The following CROCC2 variants were observed in gnomAD, a reference collection of about 807,000 sequenced individuals.
CROCC2 encodes the protein ciliary rootlet coiled-coil protein 2.
CROCC2 carries 163 observed loss-of-function variants against 177.6 expected under a neutral mutation model. The observed-to-expected ratio is 0.92, with a 90% CI of 0.81 to 1.05. The LOEUF is 1.05. Ranked by LOEUF, CROCC2 falls within the 50% of genes least tolerant of loss-of-function variation. The pLI, the probability that CROCC2 is intolerant of heterozygous loss-of-function variation, is 0.00. For missense variants in CROCC2, 1,929 were observed against 1,797.8 expected (o/e 1.07, Z -1.32); for synonymous variants, 904 against 787.3 (o/e 1.15, Z -2.48).
At chr2:240,967,565 G>T in intron 26 of CROCC2, 100 bp downstream of exon 26, 1 of 1,508,222 alleles carries the variant, frequency 6.6e-7, no homozygotes, top group African/African-American at 1.4e-5. Flanking sequence ...AGTCCCTGGG[G>T]CAGCTCGGTG....
At chr2:240,968,078 T>C in intron 26 of CROCC2, 51 bp from the exon 27 acceptor site, 1 of 1,381,148 alleles carries the variant, frequency 7.2e-7, no homozygotes, top group Non-Finnish European at 9.4e-7. Context: ...TGCCTGCCTG[T>C]GACCTGGGAG....
In CROCC2 at chr2:240,949,839, A is replaced by G. The variant is rs759743332; in HGVS notation, c.2652+137A>G. On this transcript the variant is annotated intron_variant, in intron 17 of 31. Transcript: ENST00000690015. This position sits in a 1 kb window ranked among gnomAD's most constrained non-coding sequence, Gnocchi z 4.5. Reference sequence around the variant, plus strand: ...GCCTGGCCAGGGCTGGGCAAGGACCAGCTCACTCTTTATAGTTCACGTGGG... The same window carrying G: ...GCCTGGCCAGGGCTGGGCAAGGACCGGCTCACTCTTTATAGTTCACGTGGG... 3 of 896,600 alleles carry G rather than the reference A, an allele frequency of 3.3e-6. No individual in the cohort carries two copies. Among genetic ancestry groups the G allele is most frequent in the Non-Finnish European group, 5.0e-6 (3 of 595,918 alleles). The allele number at this position is 896,600 out of a possible 1,614,324, so 55.5% of individuals were successfully genotyped here.
intron 28 of CROCC2, among the ~76,000 whole-genome samples, chr2:240,988,266 T>A (rs965526351): frequency 9.1e-5 from 13 of 143,584 alleles, no homozygotes; most frequent in African/African-American, 3.2e-4. Flanking sequence ...TGCCACAGGC[T>A]TGTTGGGATT....
At position 240,968,207 on chromosome 2, in the gene CROCC2, A is replaced by C; in HGVS notation, c.4346A>C (p.Glu1449Ala). 1 of 1,533,194 alleles carries C rather than the reference A, an allele frequency of 6.5e-7. No homozygotes were observed. The highest frequency in any genetic ancestry group is 8.7e-7 in the Non-Finnish European group (1 of 1,145,382). 95.0% of individuals were successfully genotyped at this position (1,533,194 alleles called of 1,614,324 possible). A position where few individuals can be genotyped will look rare whatever the true frequency, so the allele number is the denominator to read the frequency against. ...ALQKEALRRLELEHLASVRAA... is the reference protein window; with the variant it reads ...ALQKEALRRLALEHLASVRAA... The stretch of plus-strand genomic sequence containing the variant: ...CAGAAGGAGGCGCTCCGCAGGCTGG[A>C]GTTGGAGCACCTGGCGAGCGTGCGT... Residue 1449 changes from glutamate to alanine, a missense_variant, in exon 27 of 32, where the codon GAG (glutamate) becomes GCG (alanine). Physicochemically the swap from Glu to Ala is moderately radical, Grantham distance 107. Transcript: ENST00000690015.
intron 20 of CROCC2, among the ~76,000 whole-genome samples, chr2:240,961,446 C>T (rs2059632628): frequency 6.6e-6 from 1 of 151,920 alleles, no homozygotes; most frequent in Non-Finnish European, 1.5e-5. Flanking sequence ...CGCACACATG[C>T]ACATACGTAG....
chr2:240,989,916 G>A (rs2059866512), intron 30 of CROCC2, 83 bp downstream of exon 30: 7 of 1,358,144 alleles, frequency 5.2e-6, no homozygotes, highest in Non-Finnish European at 6.9e-6. Context: ...CAGTAGGGGT[G>A]ACTTCTTGAA....
At chr2:240,962,080 T>TCACA (rs549496278) in intron 20 of CROCC2, among the ~76,000 whole-genome samples, 119 of 89,480 alleles carry the variant, frequency 1.3e-3, no homozygotes, top group African/African-American at 3.0e-3. Flanking sequence ...GCACTCACAC[T>TCACA]CACACACACA....
intron 30 of CROCC2, among the ~76,000 whole-genome samples, chr2:240,990,520 T>C (rs1377402570): frequency 3.3e-5 from 5 of 152,236 alleles, no homozygotes; most frequent in African/African-American, 1.2e-4. Flanking sequence ...AAGGCACTTT[T>C]GCTAAATTTA....
intron 19 of CROCC2, 198 bp from the exon 20 acceptor site, chr2:240,959,103 T>C (rs11886565): frequency 0.59 from 344,257 of 579,470 alleles, 104,313 homozygotes; most frequent in Non-Finnish European, 0.62. Flanking sequence ...GGGCCGTGGA[T>C]GTCTCCTCAT....
At chr2:240,921,293 GA>G (rs942829215) in intron 3 of CROCC2, among the ~76,000 whole-genome samples, 16 of 152,140 alleles carry the variant, frequency 1.1e-4, no homozygotes, top group Non-Finnish European at 2.1e-4. Flanking sequence ...CCCCACACGG[GA>G]AACACGTTTC....
intron 29 of CROCC2, among the ~76,000 whole-genome samples, chr2:240,989,260 C>A (rs1254158255): frequency 6.6e-6 from 1 of 152,144 alleles, no homozygotes. Context: ...ACAGAAGGGG[C>A]CTCAGAGGCT....
intron 28 of CROCC2, chr2:240,983,349 C>A: frequency 1.6e-6 from 2 of 1,288,920 alleles, no homozygotes; most frequent in African/African-American, 1.5e-5. Context: ...CCAGAGCCAG[C>A]CTTAGATGGA....
At position 240,933,822 on chromosome 2, in the gene CROCC2, G is replaced by A. The variant is rs961153105; in HGVS notation, c.1616G>A (p.Arg539Lys). ...AERREELALRRERSCRALETS... is the reference protein window; with the variant it reads ...AERREELALRKERSCRALETS... ...CGGAGGGAGGAGCTGGCTCTGCGGA[G>A]GGAGCGGAGCTGCAGGGCACTGGAG... Residue 539 changes from arginine to lysine, a missense_variant, in exon 11 of 32, where the codon AGG becomes AAG. This residue lies in a region of CROCC2 where 1,397 missense variants were observed against 1,239.9 expected (regional missense o/e 1.13). Coordinates refer to ENST00000690015, the MANE Select transcript of CROCC2 (RefSeq NM_001351305.2). 1.9e-6 allele frequency: 3 copies of A among 1,548,160 alleles called. No individual in the cohort carries two copies. The highest frequency in any genetic ancestry group is 2.6e-6 in the Non-Finnish European group (3 of 1,146,688).
At chr2:240,915,190 C>A (rs1289368584) in intron 1 of CROCC2, among the ~76,000 whole-genome samples, 1 of 152,126 alleles carries the variant, frequency 6.6e-6, no homozygotes, top group Non-Finnish European at 1.5e-5. Flanking sequence ...ATTCCAGGGT[C>A]TTGGCCAAGG....
At position 240,917,932 on chromosome 2, in the gene CROCC2, C is replaced by A. The variant is rs2059330875; in HGVS notation, c.79-794C>A. Among the ~76,000 whole-genome samples the A allele has an allele frequency of 6.6e-6, 1 of 152,174 alleles. No individual in the cohort carries two copies. The highest frequency in any genetic ancestry group is 1.5e-5 in the Non-Finnish European group (1 of 68,004). On this transcript the variant is annotated intron_variant, in intron 1 of 31. Transcript: ENST00000690015. This position sits in a 1 kb window ranked among gnomAD's most constrained non-coding sequence, Gnocchi z 4.9. ...GGGTCCCGGCCCTCCCCAAGCTGTG[C>A]CCCTGCCCGGCAAAATGCCATTAGA...
Position 240,989,730 on chromosome 2 carries a change from C to G in CROCC2, c.4760C>G (p.Ala1587Gly). The G allele has an allele frequency of 6.4e-7, 1 of 1,550,410 alleles. No individual in the cohort carries two copies. The highest frequency in any genetic ancestry group is 8.7e-7 in the Non-Finnish European group (1 of 1,146,902). ...DLTAQHQRDL[A>G]TEAERLHGAR... ...ACAGCTCAGCACCAGCGGGACCTGG[C>G]CACAGAGGCAGAGCGTCTCCATGGG... is the stretch of plus-strand genomic sequence containing the variant. The change falls in exon 30 of 32, where the codon GCC (alanine) becomes GGC (glycine). Residue 1587 changes from alanine (A) to glycine (G), a missense_variant. By Grantham distance (60) the Ala-to-Gly change is moderately conservative (BLOSUM62 0). This residue lies in a region of CROCC2 where 388 missense variants were observed against 352.7 expected (regional missense o/e 1.10). Transcript: ENST00000690015.
intron 28 of CROCC2, among the ~76,000 whole-genome samples, chr2:240,987,660 G>A (rs1407233680): frequency 6.6e-6 from 1 of 152,226 alleles, no homozygotes; most frequent in African/African-American, 2.4e-5. Context: ...TGTGCACTGA[G>A]CCCCAGGTCT....
chr2:240,966,030 C>A (rs749221107), intron 24 of CROCC2, 37 bp downstream of exon 24: 6 of 1,323,250 alleles, frequency 4.5e-6, no homozygotes, highest in Non-Finnish European at 5.8e-6. Flanking sequence ...GGCCCCTCTC[C>A]CAGCTCAGTC....
intron 27 of CROCC2, 147 bp downstream of exon 27, chr2:240,968,409 G>A: frequency 9.2e-7 from 1 of 1,089,216 alleles, no homozygotes; most frequent in East Asian, 2.8e-5. Context: ...GCTGGAGCCA[G>A]CCCGGTGGGG....
Sources: gnomAD v4.1 joint callset for allele counts (sites outside exome capture counted in the v4.1 genomes callset) on GRCh38, gnomAD v4.1.1 for gene constraint, gnomAD v4.1.1 regional missense constraint, Gnocchi (gnomAD v3.1) non-coding constraint, MANE v1.5 for transcripts, NCBI Gene and HGNC (gene_info 2026-07-23, HGNC 2026-07-21) for gene names.